The following SENP5 variants were observed in gnomAD, a reference collection of about 807,000 sequenced individuals.
SENP5 encodes the protein SUMO specific peptidase 5, also known as sentrin-specific protease 5.
A neutral mutation model predicts 74.2 loss-of-function variants in SENP5; 21 were observed. The observed-to-expected ratio is 0.28, with a 90% CI of 0.20 to 0.41. The LOEUF is 0.41. Ranked by LOEUF, SENP5 falls within the 10% of genes least tolerant of loss-of-function variation. The probability of loss-of-function intolerance (pLI) is 1.00; values close to 1 mark genes in which losing one functional copy is unlikely to be tolerated. For missense variants in SENP5, 717 were observed against 889.1 expected (o/e 0.81, Z 2.46); for synonymous variants, 311 against 312.7 (o/e 0.99, Z 0.06).
intron 6 of SENP5, among the ~76,000 whole-genome samples, chr3:196,917,429 C>T (rs991130590): frequency 6.6e-6 from 1 of 151,116 alleles, no homozygotes; most frequent in Admixed American, 6.6e-5. Flanking sequence ...CTTTCCAAAC[C>T]CAGAGAAAGG....
rs143180579 is a variant in SENP5 at position 196,886,158 on chromosome 3, G to C, written c.977G>C (p.Cys326Ser). The C allele has an allele frequency of 2.9e-4, 472 of 1,614,206 alleles. 1 individual carries two copies. Among genetic ancestry groups the C allele is most frequent in the South Asian group, 8.6e-4 (78 of 91,082 alleles). Residue 326 changes from cysteine to serine, a missense_variant, in exon 2 of 10, where the codon TGC becomes TCC. Around this residue, in one of 4 missense-constraint regions of SENP5, gnomAD observed 567 missense variants for 577.4 expected, o/e 0.98. Transcript: ENST00000323460. ...GGGACGAACTCTCATGTGCCTGATT[G>C]CCACACTAAAGGAAGCTCTTTCTTG... Reference protein sequence around the residue: ...VKGTNSHVPDCHTKGSSFLGK... With the variant: ...VKGTNSHVPDSHTKGSSFLGK...
chr3:196,890,891 A>T (rs911850043), intron 2 of SENP5, among the ~76,000 whole-genome samples: 1 of 151,992 alleles, frequency 6.6e-6, no homozygotes, highest in Non-Finnish European at 1.5e-5. Flanking sequence ...AATAACTTGG[A>T]TGGTTACTTC....
chr3:196,869,647 C>A (rs979333827), intron 1 of SENP5, among the ~76,000 whole-genome samples: 1 of 149,806 alleles, frequency 6.7e-6, no homozygotes, highest in African/African-American at 2.5e-5. Context: ...GTAATCCCAG[C>A]TACTCGGAAG....
intron 2 of SENP5, among the ~76,000 whole-genome samples, chr3:196,887,475 C>T (rs536626235): frequency 1.1e-4 from 17 of 151,692 alleles, no homozygotes; most frequent in East Asian, 1.9e-4. Context: ...ACACCGTGCC[C>T]TGCCCCTTTG....
chr3:196,871,686 C>T (rs1018243032), intron 1 of SENP5, among the ~76,000 whole-genome samples: 8 of 151,872 alleles, frequency 5.3e-5, no homozygotes, highest in African/African-American at 1.9e-4. Flanking sequence ...GAGACCCCAT[C>T]TCTACTAAAA....
At chr3:196,904,098 T>C in intron 6 of SENP5, among the ~76,000 whole-genome samples, 1 of 152,248 alleles carries the variant, frequency 6.6e-6, no homozygotes, top group East Asian at 1.9e-4. Flanking sequence ...ATACATGTAA[T>C]TGAAATAATT....
intron 6 of SENP5, among the ~76,000 whole-genome samples, chr3:196,910,852 G>A (rs1036963400): frequency 2.0e-5 from 3 of 152,032 alleles, no homozygotes; most frequent in Non-Finnish European, 2.9e-5. Context: ...CCAAAACAAC[G>A]TGGTATTGGT....
chr3:196,885,570 A>G lies in SENP5; in HGVS notation c.389A>G (p.Tyr130Cys). 6.2e-7 allele frequency: 1 copy of G among 1,614,190 alleles called. No individual in the cohort carries two copies. The highest frequency in any genetic ancestry group is 2.2e-5 in the East Asian group (1 of 44,878). Residue 130 changes from tyrosine (Y) to cysteine (C), a missense_variant, in exon 2 of 10, where the codon TAC becomes TGC. Coordinates refer to ENST00000323460, the MANE Select transcript of SENP5 (RefSeq NM_152699.5). ...LSSAKNSDHE[Y>C]CREKNLLKAV... ...TCAGCAAAGAATTCTGACCATGAAT[A>G]CTGCAGAGAGAAAAATCTCTTGAAG...
chr3:196,884,664 GTTTTTTTTTGTTT>G (rs1713871322), intron 1 of SENP5, among the ~76,000 whole-genome samples: 2 of 121,402 alleles, frequency 1.6e-5, no homozygotes, highest in Non-Finnish European at 3.3e-5. Flanking sequence ...ACAGAAATCA[GTTTTTTTTTGTTT>G]TTTTTTTTTT....
At chr3:196,915,426 G>A (rs1045897660) in intron 6 of SENP5, among the ~76,000 whole-genome samples, 1 of 152,166 alleles carries the variant, frequency 6.6e-6, no homozygotes, top group Non-Finnish European at 1.5e-5. Context: ...CCAATTCTAG[G>A]CCCTAGACCC....
chr3:196,915,953 C>G (rs1184414922), intron 6 of SENP5, among the ~76,000 whole-genome samples: 1 of 152,124 alleles, frequency 6.6e-6, no homozygotes, highest in Non-Finnish European at 1.5e-5. Flanking sequence ...CAGATAAAAA[C>G]AAGTCCAAAC....
In SENP5 at chr3:196,886,201, A is replaced by C. The variant is rs34251880; in HGVS notation, c.1020A>C (p.Leu340Phe). 33,619 of 1,614,196 alleles carry C rather than the reference A, an allele frequency of 0.021. 387 individuals carry two copies. Among genetic ancestry groups the C allele is most frequent in the Non-Finnish European group, 0.025 (29,173 of 1,180,028 alleles). ...CTTTCTTGGGCAAGGAGCTTAGTTT[A>C]GACGAAGCATTCCCTGACCAACAGA... ...GSSFLGKELSLDEAFPDQQNG... is the reference protein window; with the variant it reads ...GSSFLGKELSFDEAFPDQQNG... The change falls in exon 2 of 10, where the codon TTA becomes TTC. Residue 340 changes from leucine (L) to phenylalanine (F), a missense_variant. Transcript: ENST00000323460.
At position 196,873,299 on chromosome 3, in the gene SENP5, C is replaced by T. The variant is rs190346226; in HGVS notation, c.-32+5226C>T. Among the ~76,000 whole-genome samples the T allele has an allele frequency of 2.0e-4, 30 of 151,868 alleles. No homozygotes were observed. The East Asian group carries it at 5.9e-3, about 30-fold the overall frequency. ...TGTTGGTCAGGCTGGTCTTGAACTC[C>T]TGACCTCAGGTGATTCGCCTGCCTC... On this transcript the variant is annotated intron_variant, in intron 1 of 9. Coordinates refer to ENST00000323460, the MANE Select transcript of SENP5 (RefSeq NM_152699.5).
intron 2 of SENP5, among the ~76,000 whole-genome samples, chr3:196,894,683 C>T (rs916977178): frequency 6.6e-6 from 1 of 152,064 alleles, no homozygotes; most frequent in Non-Finnish European, 1.5e-5. Context: ...GATCTCTATT[C>T]CATGCTGGCT....
chr3:196,913,646 G>A (rs1441558883), intron 6 of SENP5, among the ~76,000 whole-genome samples: 3 of 128,166 alleles, frequency 2.3e-5, no homozygotes, highest in Non-Finnish European at 5.2e-5. Flanking sequence ...TATAAGAAAG[G>A]CTTTTTTTTT....
At chr3:196,916,864 C>T (rs4038595) in intron 6 of SENP5, among the ~76,000 whole-genome samples, 5 of 152,102 alleles carry the variant, frequency 3.3e-5, no homozygotes, top group East Asian at 1.9e-4. Flanking sequence ...CTGGGCACAG[C>T]GACTCACACC....
Position 196,886,092 on chromosome 3 carries a change from A to G in SENP5, c.911A>G (p.Gln304Arg). ...CCTAAAGACCCTTCTTGTCGGCATC[A>G]GCCGTACTTTCCAGATATGGACAGC... Reference protein sequence around the residue: ...PEPKDPSCRHQPYFPDMDSSA... With the variant: ...PEPKDPSCRHRPYFPDMDSSA... The change falls in exon 2 of 10, where the codon CAG (glutamine) becomes CGG (arginine). Residue 304 changes from glutamine (Q) to arginine (R), a missense_variant. Physicochemically the swap from Gln to Arg is conservative, Grantham distance 43. Coordinates refer to ENST00000323460, the MANE Select transcript of SENP5 (RefSeq NM_152699.5). The G allele has an allele frequency of 6.2e-7, 1 of 1,614,250 alleles. No homozygotes were observed. The highest frequency in any genetic ancestry group is 8.5e-7 in the Non-Finnish European group (1 of 1,180,050).
chr3:196,892,989 C>T (rs758341279), intron 2 of SENP5, among the ~76,000 whole-genome samples: 13 of 152,116 alleles, frequency 8.5e-5, no homozygotes, highest in Admixed American at 3.9e-4. Flanking sequence ...TGGATAGTGC[C>T]GCAGTGAGTA....
intron 8 of SENP5, among the ~76,000 whole-genome samples, chr3:196,928,329 G>A (rs2108867812): frequency 6.6e-6 from 1 of 152,338 alleles, no homozygotes; most frequent in South Asian, 2.1e-4. Context: ...CTGTCTGGAT[G>A]CAGCACCATG....
Sources: gnomAD v4.1 joint callset for allele counts (sites outside exome capture counted in the v4.1 genomes callset) on GRCh38, gnomAD v4.1.1 for gene constraint, gnomAD v4.1.1 regional missense constraint, MANE v1.5 for transcripts, NCBI Gene and HGNC (gene_info 2026-07-23, HGNC 2026-07-21) for gene names.